The following TRPC7 variants were observed in gnomAD, a reference collection of about 807,000 sequenced individuals.
The protein encoded by TRPC7 is transient receptor potential cation channel subfamily C member 7.
Under a neutral mutation model 90.1 loss-of-function variants are expected in TRPC7, and 42 were observed. The observed-to-expected ratio is 0.47, with a 90% CI of 0.36 to 0.60. TRPC7 has a LOEUF of 0.60. Ranked by LOEUF, TRPC7 falls within the 20% of genes least tolerant of loss-of-function variation. The probability of loss-of-function intolerance (pLI) is 0.00; values close to 1 mark genes in which losing one functional copy is unlikely to be tolerated. For synonymous variants in TRPC7, 451 were observed against 436.3 expected, an observed-to-expected ratio of 1.03 and a Z score of -0.42; for missense variants, 955 against 1,112.3, an observed-to-expected ratio of 0.86 and a Z score of 2.01.
intron 3 of TRPC7, among the ~76,000 whole-genome samples, chr5:136,307,268 T>A (rs924026355): frequency 6.6e-6 from 1 of 152,162 alleles, no homozygotes; most frequent in African/African-American, 2.4e-5. Context: ...TTTGTACTCT[T>A]TGATTGACAA....
rs892191417 is a variant in TRPC7 at position 136,247,496 on chromosome 5, C to T, written c.1819G>A (p.Ala607Thr). ...MFNLYSYYRG[A>T]KYNPAFTTVE... ...GTTGTAAACGCTGGGTTGTATTTGG[C>T]ACCTCGGTAGTAAGAGTACAGGTTG... is the stretch of plus-strand genomic sequence containing the variant. The change falls in exon 7 of 12, where the codon GCC becomes ACC. Residue 607 changes from alanine (A) to threonine (T), a missense_variant. Around this residue, in one of 4 missense-constraint regions of TRPC7, gnomAD observed 296 missense variants for 422.7 expected, o/e 0.70. Coordinates refer to ENST00000513104, the MANE Select transcript of TRPC7 (RefSeq NM_020389.3). The surrounding 1 kb of genome is among the most constrained non-coding windows in gnomAD (Gnocchi z 4.2). 20 of 1,613,104 alleles carry T rather than the reference C, an allele frequency of 1.2e-5. No homozygotes were observed. In the South Asian group the frequency reaches 1.9e-4, roughly 15 times the overall value.
At chr5:136,223,766 G>A (rs1755538605) in intron 10 of TRPC7, among the ~76,000 whole-genome samples, 1 of 152,104 alleles carries the variant, frequency 6.6e-6, no homozygotes, top group African/African-American at 2.4e-5. Flanking sequence ...GGAGAGATTT[G>A]GCCCTAACCC....
At chr5:136,360,508 A>G (rs922488624) in intron 1 of TRPC7, among the ~76,000 whole-genome samples, 7 of 152,200 alleles carry the variant, frequency 4.6e-5, no homozygotes, top group Non-Finnish European at 2.9e-5. Context: ...TACTTGGCAG[A>G]CGTTAAAATG....
At chr5:136,291,178 T>C (rs1398424030) in intron 3 of TRPC7, among the ~76,000 whole-genome samples, 1 of 152,194 alleles carries the variant, frequency 6.6e-6, no homozygotes, top group Non-Finnish European at 1.5e-5. Flanking sequence ...TACCAGCCAC[T>C]GCAAAAACAT....
At position 136,275,696 on chromosome 5, in the gene TRPC7, C is replaced by T. The variant is rs1033960629; in HGVS notation, c.964-859G>A. ...TTGTGTGGCCATGTCCTGCCCTCAC[C>T]CCTGGATTCAGCTTATTGGACTAGG... On this transcript the variant is annotated intron_variant, in intron 3 of 11. Coordinates refer to ENST00000513104, the MANE Select transcript of TRPC7 (RefSeq NM_020389.3). Among the ~76,000 whole-genome samples, 3 of 152,164 alleles carry T rather than the reference C, an allele frequency of 2.0e-5. No homozygotes were observed. In the East Asian group the frequency reaches 5.8e-4, roughly 29 times the overall value.
At chr5:136,307,703 C>A (rs1420154665) in intron 3 of TRPC7, among the ~76,000 whole-genome samples, 3 of 152,136 alleles carry the variant, frequency 2.0e-5, no homozygotes, top group Non-Finnish European at 4.4e-5. Flanking sequence ...TGGATAGAGT[C>A]CAGGTATGCT....
chr5:136,245,668 A>G (rs956567136), intron 7 of TRPC7, among the ~76,000 whole-genome samples: 1 of 152,046 alleles, frequency 6.6e-6, no homozygotes, highest in African/African-American at 2.4e-5. Flanking sequence ...AAGGCTGAAA[A>G]CCTGACTATC....
chr5:136,272,770 CT>C (rs751154722), intron 4 of TRPC7, among the ~76,000 whole-genome samples: 13 of 152,288 alleles, frequency 8.5e-5, no homozygotes, highest in Non-Finnish European at 1.8e-4. Flanking sequence ...CCAAACTTCC[CT>C]GCAACTGTTT....
intron 2 of TRPC7, among the ~76,000 whole-genome samples, chr5:136,344,255 A>T (rs1561727179): frequency 6.6e-6 from 1 of 152,148 alleles, no homozygotes; most frequent in Non-Finnish European, 1.5e-5. Flanking sequence ...GGAACAACAG[A>T]CGCTTGGGCC....
chr5:136,349,395 C>T (rs1035581355), intron 2 of TRPC7, among the ~76,000 whole-genome samples: 5 of 152,052 alleles, frequency 3.3e-5, no homozygotes, highest in South Asian at 4.2e-4. Flanking sequence ...AATTTTAAGC[C>T]GTGTTACTGG....
In TRPC7 at chr5:136,255,710, G is replaced by A. The variant is rs182161202; in HGVS notation, c.1346-3828C>T. The stretch of plus-strand genomic sequence containing the variant: ...CAATTTGAGCACCTACTATGTGCTA[G>A]GCACTGCCATATGTGTATATGTATT... On this transcript the variant is annotated intron_variant, in intron 5 of 11. Transcript: ENST00000513104. Among the ~76,000 whole-genome samples, 309 of 152,304 alleles carry A rather than the reference G, an allele frequency of 2.0e-3. 2 individuals are homozygous for A. The highest frequency in any genetic ancestry group is 4.1e-3 in the Admixed American group (63 of 15,296).
At chr5:136,270,192 G>A (rs927921927) in intron 4 of TRPC7, among the ~76,000 whole-genome samples, 7 of 152,146 alleles carry the variant, frequency 4.6e-5, no homozygotes, top group Non-Finnish European at 1.0e-4. Flanking sequence ...ACACGTGGGC[G>A]GTGCATTTGC....
Position 136,221,455 on chromosome 5 carries a change from C to T in TRPC7, c.2343+3819G>A, listed in dbSNP as rs927350556. Among the ~76,000 whole-genome samples, 12 of 152,236 alleles carry T rather than the reference C, an allele frequency of 7.9e-5. No homozygotes were observed. In the South Asian group the frequency reaches 1.0e-3, roughly 13 times the overall value. ...TACAAGAGGCCAAATGGCCTCTGGC[C>T]GCTGATGGTGAAGGGGAACACAGGA... On this transcript the variant is annotated intron_variant, in intron 10 of 11. Transcript: ENST00000513104.
chr5:136,325,275 G>A (rs1438512744), intron 2 of TRPC7, among the ~76,000 whole-genome samples: 1 of 152,212 alleles, frequency 6.6e-6, no homozygotes, highest in Admixed American at 6.5e-5. Flanking sequence ...GGACATGCCT[G>A]GAGAGAGCTA....
At chr5:136,289,062 T>C (rs1757837735) in intron 3 of TRPC7, among the ~76,000 whole-genome samples, 1 of 152,210 alleles carries the variant, frequency 6.6e-6, no homozygotes, top group African/African-American at 2.4e-5. Flanking sequence ...CCTTTTCACC[T>C]TTTCTAATAA....
rs943771604 is a variant in TRPC7, at chr5:136,247,791, A to G, written c.1580-56T>C. 4.5e-6 allele frequency: 7 copies of G among 1,559,792 alleles called. No individual in the cohort carries two copies. Among genetic ancestry groups the G allele is most frequent in the Admixed American group, 1.9e-5 (1 of 52,616 alleles). On this transcript the variant is annotated intron_variant, in intron 6 of 11. Coordinates refer to ENST00000513104, the MANE Select transcript of TRPC7 (RefSeq NM_020389.3). This position sits in a 1 kb window ranked among gnomAD's most constrained non-coding sequence, Gnocchi z 4.2. ...GGCCACAGGATCTATTCTAGAAGAG[A>G]AACCAGTTAGGCATCTTTAGAGGTC...
chr5:136,222,719 G>T (rs1312348464), intron 10 of TRPC7, among the ~76,000 whole-genome samples: 2 of 152,222 alleles, frequency 1.3e-5, no homozygotes, highest in Non-Finnish European at 2.9e-5. Flanking sequence ...TGAGGAGGGT[G>T]CTGGTGCAAA....
At chr5:136,246,759 C>T (rs1159487805) in intron 7 of TRPC7, among the ~76,000 whole-genome samples, 2 of 152,156 alleles carry the variant, frequency 1.3e-5, no homozygotes, top group Non-Finnish European at 2.9e-5. Context: ...CTAGGCAACA[C>T]AGGCTAAGAC....
intron 7 of TRPC7, among the ~76,000 whole-genome samples, chr5:136,238,828 T>C (rs1367418877): frequency 6.6e-6 from 1 of 152,202 alleles, no homozygotes. Context: ...ATGAGAAGAA[T>C]GTATCCATAA....
Sources: gnomAD v4.1 joint callset for allele counts (sites outside exome capture counted in the v4.1 genomes callset) on GRCh38, gnomAD v4.1.1 for gene constraint, gnomAD v4.1.1 regional missense constraint, Gnocchi (gnomAD v3.1) non-coding constraint, MANE v1.5 for transcripts, NCBI Gene and HGNC (gene_info 2026-07-23, HGNC 2026-07-21) for gene names.